SPATA17: variants seen among roughly 807,000 people sequenced by gnomAD.
SPATA17 encodes spermatogenesis-associated protein 17.
SPATA17 carries 53 observed loss-of-function variants against 62.2 expected under a neutral mutation model. The observed-to-expected ratio is 0.85, with a 90% CI of 0.68 to 1.07. SPATA17 has a LOEUF of 1.07. SPATA17 is among the 50% of genes least tolerant of loss of function. SPATA17 has a pLI of 0.00. For missense variants in SPATA17, 466 were observed against 425.5 expected, an observed-to-expected ratio of 1.10 and a Z score of -0.84; for synonymous variants, 146 against 146.8, an observed-to-expected ratio of 0.99 and a Z score of 0.04.
At chr1:217,770,117 T>G in intron 6 of SPATA17, among the ~76,000 whole-genome samples, 1 of 152,208 alleles carries the variant, frequency 6.6e-6, no homozygotes, top group East Asian at 1.9e-4. Context: ...TAGAGAGAGA[T>G]CTTTACTACT....
chr1:217,680,282 A>G (rs148220811), intron 4 of SPATA17, among the ~76,000 whole-genome samples: 1 of 152,296 alleles, frequency 6.6e-6, no homozygotes, highest in East Asian at 1.9e-4. Flanking sequence ...TCCCTCTTCT[A>G]TCAAATGAGG....
At chr1:217,730,784 C>CT (rs1169730504) in intron 5 of SPATA17, among the ~76,000 whole-genome samples, 2 of 151,940 alleles carry the variant, frequency 1.3e-5, no homozygotes, top group Admixed American at 6.6e-5. Context: ...AAGAAAGTTT[C>CT]TTTTTTTAAA....
intron 8 of SPATA17, among the ~76,000 whole-genome samples, chr1:217,799,207 T>C (rs2102986488): frequency 6.6e-6 from 1 of 152,252 alleles, no homozygotes; most frequent in East Asian, 1.9e-4. Context: ...TAAGAATATG[T>C]ATATATGTTA....
At chr1:217,761,864 C>T (rs6604558) in intron 6 of SPATA17, among the ~76,000 whole-genome samples, 37,179 of 151,970 alleles carry the variant, frequency 0.24, 4,907 homozygotes, top group East Asian at 0.53. Context: ...GAATAGAAAT[C>T]CCCTTTCTTT....
At chr1:217,739,673 T>A (rs543592892) in intron 5 of SPATA17, 1 of 152,134 alleles carries the variant, frequency 6.6e-6, no homozygotes, top group South Asian at 2.1e-4. Context: ...TTTTATTGCA[T>A]CCTGCACACT....
At chr1:217,649,089 T>A in intron 2 of SPATA17, 118 bp downstream of exon 2, 2 of 640,514 alleles carry the variant, frequency 3.1e-6, no homozygotes, top group Non-Finnish European at 5.1e-6. Flanking sequence ...CATAATGTAG[T>A]TGATAAATTG....
At chr1:217,749,942 ATTCTCTCT>A (rs1558591110) in intron 6 of SPATA17, among the ~76,000 whole-genome samples, 1 of 76,392 alleles carries the variant, frequency 1.3e-5, no homozygotes, top group Non-Finnish European at 2.8e-5. Flanking sequence ...TTGTCATAAG[ATTCTCTCT>A]CTCTCTCTCT....
At chr1:217,637,896 T>A (rs1669976261) in intron 1 of SPATA17, among the ~76,000 whole-genome samples, 1 of 152,298 alleles carries the variant, frequency 6.6e-6, no homozygotes, top group East Asian at 1.9e-4. Context: ...TGTAAACTTT[T>A]AAACTTATAT....
At chr1:217,754,843 C>T (rs1482018871) in intron 6 of SPATA17, among the ~76,000 whole-genome samples, 1 of 151,998 alleles carries the variant, frequency 6.6e-6, no homozygotes, top group Non-Finnish European at 1.5e-5. Flanking sequence ...TACAATATGC[C>T]CTTTATATTA....
intron 3 of SPATA17, among the ~76,000 whole-genome samples, chr1:217,668,313 T>C (rs967967155): frequency 2.0e-5 from 3 of 152,182 alleles, no homozygotes; most frequent in Non-Finnish European, 4.4e-5. Context: ...ATAAGCTACA[T>C]TGTTGAATGA....
intron 5 of SPATA17, among the ~76,000 whole-genome samples, chr1:217,687,325 T>G (rs759967812): frequency 5.9e-5 from 9 of 152,222 alleles, no homozygotes; most frequent in Non-Finnish European, 1.0e-4. Flanking sequence ...TTTCTTGTAG[T>G]TTAAACATAA....
chr1:217,763,664 G>A (rs1391548777), intron 6 of SPATA17, among the ~76,000 whole-genome samples: 1 of 152,204 alleles, frequency 6.6e-6, no homozygotes, highest in Non-Finnish European at 1.5e-5. Flanking sequence ...CACAGCAGAT[G>A]GAGAGAACCT....
At chr1:217,711,484 C>T (rs775389378) in intron 5 of SPATA17, among the ~76,000 whole-genome samples, 7 of 152,098 alleles carry the variant, frequency 4.6e-5, no homozygotes, top group Admixed American at 1.3e-4. Flanking sequence ...GATATGAATT[C>T]GAGTCATAGT....
rs11811799 is a variant in SPATA17, at chr1:217,865,282, G to T, written c.*3-1740G>T. Among the ~76,000 whole-genome samples the T allele has an allele frequency of 2.5e-3, 376 of 152,206 alleles. 1 individual carries two copies. Among genetic ancestry groups the T allele is most frequent in the African/African-American group, 8.8e-3 (365 of 41,540 alleles). On this transcript the variant is annotated intron_variant, in intron 10 of 10. Coordinates refer to ENST00000366933, the MANE Select transcript of SPATA17 (RefSeq NM_138796.4). The stretch of plus-strand genomic sequence containing the variant: ...TTCATCACTTCACTATAATTCACCC[G>T]ACATCGCCTTTTACACCCAATACTA...
intron 8 of SPATA17, among the ~76,000 whole-genome samples, chr1:217,799,639 A>T (rs1356835032): frequency 6.6e-6 from 1 of 152,032 alleles, no homozygotes; most frequent in Non-Finnish European, 1.5e-5. Flanking sequence ...CTTAGGAAAA[A>T]TATTAAGAAT....
At chr1:217,719,306 A>G (rs2102932757) in intron 5 of SPATA17, among the ~76,000 whole-genome samples, 1 of 152,090 alleles carries the variant, frequency 6.6e-6, no homozygotes, top group Middle Eastern at 3.4e-3. Flanking sequence ...TTTCTTTCTC[A>G]TTTTCTATTT....
intron 5 of SPATA17, among the ~76,000 whole-genome samples, chr1:217,698,040 A>G (rs1671501107): frequency 6.6e-6 from 1 of 152,084 alleles, no homozygotes; most frequent in Non-Finnish European, 1.5e-5. Flanking sequence ...TCACGCCTGT[A>G]ATCTCAGCAT....
intron 9 of SPATA17, among the ~76,000 whole-genome samples, chr1:217,842,475 A>G (rs1175268607): frequency 6.6e-6 from 1 of 152,006 alleles, no homozygotes; most frequent in Non-Finnish European, 1.5e-5. Flanking sequence ...CTTTTAATAC[A>G]TAAAGGACAA....
intron 6 of SPATA17, among the ~76,000 whole-genome samples, chr1:217,763,874 A>G (rs752352028): frequency 6.6e-5 from 10 of 152,172 alleles, no homozygotes; most frequent in Non-Finnish European, 1.2e-4. Context: ...TAAGAAGCTG[A>G]GGAGCTGGTG....
Sources: allele counts gnomAD v4.1 joint callset (sites outside exome capture counted in the v4.1 genomes callset), GRCh38; gene constraint gnomAD v4.1.1; transcripts MANE v1.5; gene names NCBI Gene and HGNC (gene_info 2026-07-23, HGNC 2026-07-21).